Variants in NEBL observed in about 807,000 individuals in gnomAD.
NEBL encodes nebulette.
NEBL carries 122 observed loss-of-function variants against 140.2 expected under a neutral mutation model. The ratio of observed to expected loss-of-function variants is 0.87; its 90% CI spans 0.75 to 1.01. The LOEUF (loss-of-function observed/expected upper bound fraction) is 1.01, where lower values mean the gene tolerates loss of function less well. Ranked by LOEUF, NEBL falls within the 50% of genes least tolerant of loss-of-function variation. The pLI is 0.00. For synonymous variants in NEBL, 436 were observed against 398.9 expected (o/e 1.09, Z -1.11); for missense variants, 1,365 against 1,231.3 (o/e 1.11, Z -1.62).
chr10:21,262,587 A>G (rs1842753004), intron 1 of NEBL, among the ~76,000 whole-genome samples: 1 of 152,240 alleles, frequency 6.6e-6, no homozygotes. Context: ...AGTTAAATAT[A>G]GGGCTGAATT....
At position 21,023,014 on chromosome 10, in the gene NEBL, G is replaced by A. The variant is rs182425659; in HGVS notation, c.165-2813C>T. 3.9e-3 allele frequency among the ~76,000 whole-genome samples: 589 copies of A among 152,334 alleles called. 3 individuals carry two copies. Among genetic ancestry groups the A allele is most frequent in the African/African-American group, 0.013 (559 of 41,576 alleles). On this transcript the variant is annotated intron_variant, in intron 2 of 6. Transcript: ENST00000417816. ...ATGTTCCAGACAATAGACAGAGGAAGTTAGGCAGACAACTCTGGTGTGTTA... is the reference window on the plus strand; with the variant it reads ...ATGTTCCAGACAATAGACAGAGGAAATTAGGCAGACAACTCTGGTGTGTTA...
intron 2 of NEBL, among the ~76,000 whole-genome samples, chr10:21,068,442 C>G (rs1835663750): frequency 6.6e-6 from 1 of 152,158 alleles, no homozygotes; most frequent in African/African-American, 2.4e-5. Flanking sequence ...AGAATCAGGC[C>G]CAGCCAAATA....
At chr10:21,156,571 C>T (rs902209316) in intron 2 of NEBL, among the ~76,000 whole-genome samples, 1 of 151,452 alleles carries the variant, frequency 6.6e-6, no homozygotes, top group Non-Finnish European at 1.5e-5. Context: ...CATTTCTTAT[C>T]ACAGGACATA....
At chr10:21,140,068 C>T (rs189721677) in intron 2 of NEBL, among the ~76,000 whole-genome samples, 7 of 151,524 alleles carry the variant, frequency 4.6e-5, no homozygotes, top group Admixed American at 1.3e-4. Flanking sequence ...GACTGAGGCA[C>T]GAGAATCACT....
At chr10:20,987,700 A>T (rs1188462698) in intron 3 of NEBL, among the ~76,000 whole-genome samples, 1 of 152,234 alleles carries the variant, frequency 6.6e-6, no homozygotes, top group Non-Finnish European at 1.5e-5. Context: ...TCTTTAGAGC[A>T]TAAGACCAAG....
intron 24 of NEBL, among the ~76,000 whole-genome samples, chr10:20,810,526 C>A (rs767090686): frequency 2.0e-5 from 3 of 152,164 alleles, no homozygotes; most frequent in Non-Finnish European, 4.4e-5. Flanking sequence ...ATAAGCAAGG[C>A]ACACAGCAAG....
chr10:21,086,015 T>C (rs1196834638), intron 2 of NEBL, among the ~76,000 whole-genome samples: 2 of 152,118 alleles, frequency 1.3e-5, no homozygotes, highest in African/African-American at 4.8e-5. Flanking sequence ...AGTACTTCTT[T>C]GATAAGATGT....
intron 3 of NEBL, chr10:21,247,693 A>G (rs1046980621): frequency 2.6e-5 from 4 of 152,144 alleles, no homozygotes; most frequent in African/African-American, 9.7e-5. Flanking sequence ...GAATTTACCT[A>G]TTCTAGGTAC....
chr10:21,191,267 T>C (rs1004089677), intron 3 of NEBL, among the ~76,000 whole-genome samples: 4 of 152,186 alleles, frequency 2.6e-5, no homozygotes, highest in African/African-American at 9.7e-5. Context: ...GCACTCCACA[T>C]GCATTGACTA....
upstream of NEBL, among the ~76,000 whole-genome samples, chr10:20,900,893 C>A (rs1440809762): frequency 1.4e-5 from 2 of 146,442 alleles, no homozygotes; most frequent in African/African-American, 5.0e-5. Context: ...GTGGCACACA[C>A]CTGTAATCTC....
At chr10:20,873,639 C>T (rs1366582990) in intron 5 of NEBL, among the ~76,000 whole-genome samples, 1 of 152,098 alleles carries the variant, frequency 6.6e-6, no homozygotes, top group Non-Finnish European at 1.5e-5. Context: ...CTCACTCATA[C>T]ATTTTTTCAA....
chr10:21,287,930 A>G (rs1843080978), intron 1 of NEBL, among the ~76,000 whole-genome samples: 1 of 152,240 alleles, frequency 6.6e-6, no homozygotes, highest in African/African-American at 2.4e-5. Flanking sequence ...TCTGAAAAAA[A>G]ATAGGCAGAG....
intron 26 of NEBL, among the ~76,000 whole-genome samples, chr10:20,798,902 CAGAAA>C (rs1275816944): frequency 2.6e-4 from 40 of 152,276 alleles, no homozygotes; most frequent in African/African-American, 8.9e-4. Context: ...ACTTCACACT[CAGAAA>C]AGAAAACGTA....
At chr10:20,800,130 C>G (rs1386383371) in intron 26 of NEBL, among the ~76,000 whole-genome samples, 1 of 145,260 alleles carries the variant, frequency 6.9e-6, no homozygotes, top group Non-Finnish European at 1.5e-5. Flanking sequence ...AACTCCCCAT[C>G]CCCCCACCCC....
chr10:21,116,903 C>G (rs1183455620), intron 2 of NEBL, among the ~76,000 whole-genome samples: 2 of 152,078 alleles, frequency 1.3e-5, no homozygotes, highest in Non-Finnish European at 2.9e-5. Context: ...AATTCCTGGG[C>G]TCAAGCAATC....
chr10:21,129,416 A>G (rs2132065841), intron 2 of NEBL, among the ~76,000 whole-genome samples: 2 of 152,116 alleles, frequency 1.3e-5, no homozygotes, highest in East Asian at 3.9e-4. Context: ...CTGGCTTCTT[A>G]TTCTTAATTG....
chr10:21,111,482 C>G (rs563425891), intron 2 of NEBL, among the ~76,000 whole-genome samples: 3 of 151,898 alleles, frequency 2.0e-5, no homozygotes, highest in Non-Finnish European at 2.9e-5. Flanking sequence ...CAAAAACAAG[C>G]AATGGGGAAA....
At chr10:21,164,776 G>C (rs1228297928) in intron 2 of NEBL, among the ~76,000 whole-genome samples, 1 of 152,150 alleles carries the variant, frequency 6.6e-6, no homozygotes, top group Non-Finnish European at 1.5e-5. Flanking sequence ...ATATACACTG[G>C]AACCTTTTTA....
intron 3 of NEBL, among the ~76,000 whole-genome samples, chr10:20,994,641 CA>C (rs1203516002): frequency 2.0e-5 from 3 of 152,146 alleles, no homozygotes; most frequent in Non-Finnish European, 4.4e-5. Flanking sequence ...AAAACTTAAC[CA>C]CATATAGCCT....
Sources: gnomAD v4.1 joint callset for allele counts (sites outside exome capture counted in the v4.1 genomes callset) on GRCh38, gnomAD v4.1.1 for gene constraint, MANE v1.5 for transcripts, NCBI Gene and HGNC (gene_info 2026-07-23, HGNC 2026-07-21) for gene names.